Variants in PPM1G observed in about 807,000 individuals in gnomAD.
PPM1G encodes protein phosphatase 1G.
A neutral mutation model predicts 59.4 loss-of-function variants in PPM1G; 12 were observed. The observed-to-expected ratio is 0.20, with a 90% CI of 0.13 to 0.33. PPM1G has a LOEUF of 0.33. PPM1G is among the 10% of genes least tolerant of loss of function. PPM1G has a pLI of 1.00. For synonymous variants in PPM1G, 245 were observed against 251.9 expected (o/e 0.97, Z 0.26); for missense variants, 392 against 681.3 (o/e 0.58, Z 4.73).
intron 1 of PPM1G, among the ~76,000 whole-genome samples, chr2:27,387,751 G>C (rs1023066498): frequency 6.6e-6 from 1 of 151,866 alleles, no homozygotes; most frequent in East Asian, 1.9e-4. Flanking sequence ...TGCCTGCCTC[G>C]GCCTCCCAAA....
intron 1 of PPM1G, among the ~76,000 whole-genome samples, chr2:27,407,310 T>C (rs1201070896): frequency 2.0e-5 from 3 of 152,008 alleles, no homozygotes; most frequent in Non-Finnish European, 2.9e-5. Flanking sequence ...GTCACCCAGA[T>C]TGGAGTGCAG....
At position 27,393,069 on chromosome 2, in the gene PPM1G, C is replaced by T. The variant is rs1683955170; in HGVS notation, c.121-5911G>A. 3.1e-6 allele frequency: 4 copies of T among 1,273,510 alleles called. No individual in the cohort carries two copies. The South Asian group carries it at 3.6e-5, about 11-fold the overall frequency. 78.9% of individuals were successfully genotyped at this position (1,273,510 alleles called of 1,614,324 possible). A position where few individuals can be genotyped will look rare whatever the true frequency, so the allele number is the denominator to read the frequency against. ...CCAAATGTAATCCATCGCATTCAGC[C>T]CGCTCTCCCATCGCATTCTCCCCGC... On this transcript the variant is annotated intron_variant, in intron 1 of 9. Transcript: ENST00000344034.
intron 1 of PPM1G, among the ~76,000 whole-genome samples, chr2:27,396,336 A>G (rs1313490466): frequency 6.6e-6 from 1 of 152,148 alleles, no homozygotes; most frequent in Non-Finnish European, 1.5e-5. Context: ...CACTTACAGT[A>G]TGAAGTATCT....
chr2:27,384,139 C>T lies in PPM1G; in HGVS notation c.826-47G>A. 2 of 1,612,522 alleles carry T rather than the reference C, an allele frequency of 1.2e-6. No individual in the cohort carries two copies. The highest frequency in any genetic ancestry group is 1.7e-6 in the Non-Finnish European group (2 of 1,179,322). ...ACTGCTGAGACTGGGATGATCCCCTCCCTCCCCACAGCTCATACTCAGAAT... is the reference window on the plus strand; with the variant it reads ...ACTGCTGAGACTGGGATGATCCCCTTCCTCCCCACAGCTCATACTCAGAAT... On this transcript the variant is annotated intron_variant, in intron 5 of 9. Coordinates refer to ENST00000344034, the MANE Select transcript of PPM1G (RefSeq NM_177983.3). The surrounding 1 kb of genome is among the most constrained non-coding windows in gnomAD (Gnocchi z 4.8).
Position 27,382,762 on chromosome 2 carries a change from A to T in PPM1G, c.1202-157T>A, listed in dbSNP as rs1226175449. Among the ~76,000 whole-genome samples the T allele has an allele frequency of 6.6e-5, 10 of 151,648 alleles. No homozygotes were observed. The highest frequency in any genetic ancestry group is 8.8e-5 in the Non-Finnish European group (6 of 67,954). On this transcript the variant is annotated intron_variant, in intron 7 of 9. Transcript: ENST00000344034. This position sits in a 1 kb window ranked among gnomAD's most constrained non-coding sequence, Gnocchi z 4.2. Reference sequence around the variant, plus strand: ...CTAAGTCCTAGTTTTTCTAGTTTCAACCCTGCCACCAGACTGCTGAACCTT... The same window carrying T: ...CTAAGTCCTAGTTTTTCTAGTTTCATCCCTGCCACCAGACTGCTGAACCTT...
Position 27,381,332 on chromosome 2 carries a change from G to T in PPM1G, c.*267C>A, listed in dbSNP as rs1683619122. ...AATAAAGTTCACAGAGTAAAAACCA[G>T]AACCGCCAGTCCTTCCCTCCAACAC... On this transcript the variant is annotated 3_prime_UTR_variant, in exon 10 of 10. Coordinates refer to ENST00000344034, the MANE Select transcript of PPM1G (RefSeq NM_177983.3). 1.9e-6 allele frequency: 1 copy of T among 536,680 alleles called. No homozygotes were observed. Among genetic ancestry groups the T allele is most frequent in the African/African-American group, 1.9e-5 (1 of 53,018 alleles). 33.2% of individuals were successfully genotyped at this position (536,680 alleles called of 1,614,324 possible). A position where few individuals can be genotyped will look rare whatever the true frequency, so the allele number is the denominator to read the frequency against.
chr2:27,381,496 A>C lies in PPM1G; in HGVS notation c.*103T>G. 1 of 1,365,240 alleles carries C rather than the reference A, an allele frequency of 7.3e-7. No individual in the cohort carries two copies. Among genetic ancestry groups the C allele is most frequent in the Non-Finnish European group, 1.0e-6 (1 of 966,770 alleles). 84.6% of individuals were successfully genotyped at this position (1,365,240 alleles called of 1,614,324 possible). A position where few individuals can be genotyped will look rare whatever the true frequency, so the allele number is the denominator to read the frequency against. On this transcript the variant is annotated 3_prime_UTR_variant, in exon 10 of 10. Transcript: ENST00000344034. ...AGTGAAGCCACCCAGCTCCCCCTGC[A>C]CACCTCATACCCACTGCTAAGGCTA...
chr2:27,390,176 C>T (rs1335153826), intron 1 of PPM1G, among the ~76,000 whole-genome samples: 2 of 152,072 alleles, frequency 1.3e-5, no homozygotes, highest in South Asian at 2.1e-4. Context: ...CCTGCCACCA[C>T]GCCCAGCCAA....
chr2:27,385,092 C>G lies in PPM1G; in HGVS notation c.410-4G>C. ...AGTGCAGCCTCCTCATTGTCCACTG[C>G]AGGGAAGAGGCTAAATCAGAGCCCC... is the stretch of plus-strand genomic sequence containing the variant. On this transcript the variant is annotated splice_polypyrimidine_tract_variant and splice_region_variant and intron_variant, in intron 4 of 9. Coordinates refer to ENST00000344034, the MANE Select transcript of PPM1G (RefSeq NM_177983.3). This position sits in a 1 kb window ranked among gnomAD's most constrained non-coding sequence, Gnocchi z 4.1. 1 of 1,588,640 alleles carries G rather than the reference C, an allele frequency of 6.3e-7. No homozygotes were observed. Among genetic ancestry groups the G allele is most frequent in the Non-Finnish European group, 8.6e-7 (1 of 1,169,190 alleles).
At position 27,398,855 on chromosome 2, in the gene PPM1G, C is replaced by A. The variant is rs1228214679; in HGVS notation, c.120+10448G>T. On this transcript the variant is annotated intron_variant, in intron 1 of 9. Transcript: ENST00000344034. ...AAGAAAAAAAAAGAAAGAAAGCCAGCAAAAAGAATCAGGGTGTAGTGGCTC... is the reference window on the plus strand; with the variant it reads ...AAGAAAAAAAAAGAAAGAAAGCCAGAAAAAAGAATCAGGGTGTAGTGGCTC... Among the ~76,000 whole-genome samples the A allele has an allele frequency of 3.3e-5, 5 of 151,304 alleles. No homozygotes were observed. In the South Asian group the frequency reaches 1.0e-3, roughly 31 times the overall value.
chr2:27,392,614 G>GC (rs1358105894), intron 1 of PPM1G, among the ~76,000 whole-genome samples: 3 of 150,536 alleles, frequency 2.0e-5, no homozygotes, highest in Admixed American at 6.6e-5. Context: ...TTTTTTTTGG[G>GC]GGGGGGGAGG....
At chr2:27,402,576 G>A (rs1233765947) in intron 1 of PPM1G, among the ~76,000 whole-genome samples, 2 of 152,094 alleles carry the variant, frequency 1.3e-5, no homozygotes, top group East Asian at 3.9e-4. Flanking sequence ...GGAGGCCGAT[G>A]TGGGTGGATC....
At position 27,382,268 on chromosome 2, in the gene PPM1G, T is replaced by TA; in HGVS notation, c.1332-41dup. 1 of 1,597,624 alleles carries TA rather than the reference T, an allele frequency of 6.3e-7. No homozygotes were observed. ...AACAGTCAGAATCTTCCAGTCTCAC[T>TA]AAGGCAGCGTAGAGGAGTATGGACA... is the stretch of plus-strand genomic sequence containing the variant. On this transcript the variant is annotated intron_variant, in intron 8 of 9. Coordinates refer to ENST00000344034, the MANE Select transcript of PPM1G (RefSeq NM_177983.3). The surrounding 1 kb of genome is among the most constrained non-coding windows in gnomAD (Gnocchi z 4.2).
Position 27,382,627 on chromosome 2 carries a change from T to C in PPM1G, c.1202-22A>G. On this transcript the variant is annotated intron_variant, in intron 7 of 9. Coordinates refer to ENST00000344034, the MANE Select transcript of PPM1G (RefSeq NM_177983.3). This position sits in a 1 kb window ranked among gnomAD's most constrained non-coding sequence, Gnocchi z 4.2. ...TCCCCTGGAGTAAAGGAATGGTTGATGAGCAGTTTGGATACTTCCCACAGA... is the reference window on the plus strand; with the variant it reads ...TCCCCTGGAGTAAAGGAATGGTTGACGAGCAGTTTGGATACTTCCCACAGA... 6.2e-7 allele frequency: 1 copy of C among 1,613,936 alleles called. No individual in the cohort carries two copies.
At chr2:27,405,026 G>C (rs1195948709) in intron 1 of PPM1G, among the ~76,000 whole-genome samples, 7 of 17,460 alleles carry the variant, frequency 4.0e-4, no homozygotes, top group Admixed American at 7.2e-4. Flanking sequence ...AAAAACTCAA[G>C]GGCCTTACCT....
chr2:27,382,122 T>G lies in PPM1G; in HGVS notation c.1434+4A>C, dbSNP rs893794534. 2 of 1,612,886 alleles carry G rather than the reference T, an allele frequency of 1.2e-6. No individual in the cohort carries two copies. The highest frequency in any genetic ancestry group is 1.7e-6 in the Non-Finnish European group (2 of 1,178,964). On this transcript the variant is annotated splice_donor_region_variant and intron_variant, in intron 9 of 9. Coordinates refer to ENST00000344034, the MANE Select transcript of PPM1G (RefSeq NM_177983.3). The surrounding 1 kb of genome is among the most constrained non-coding windows in gnomAD (Gnocchi z 4.2). ...CACCCTCTCTTCTCCACCCTGGTAC[T>G]CACCTCTTCCACAATGGATGACAAT...
At position 27,407,209 on chromosome 2, in the gene PPM1G, G is replaced by A. The variant is rs937442881; in HGVS notation, c.120+2094C>T. Among the ~76,000 whole-genome samples, 17 of 151,708 alleles carry A rather than the reference G, an allele frequency of 1.1e-4. No homozygotes were observed. The South Asian group carries it at 2.5e-3, about 22-fold the overall frequency. On this transcript the variant is annotated intron_variant, in intron 1 of 9. Transcript: ENST00000344034. Reference sequence around the variant, plus strand: ...TCGAACTCCTAAGCTCAGGCAATCCGCCCGCCGCAGCCTCCCAAAGTGTTA... The same window carrying A: ...TCGAACTCCTAAGCTCAGGCAATCCACCCGCCGCAGCCTCCCAAAGTGTTA...
At position 27,383,235 on chromosome 2, in the gene PPM1G, A is replaced by G. The variant is rs971140210; in HGVS notation, c.1201+131T>C. 3.5e-5 allele frequency: 25 copies of G among 721,878 alleles called. No homozygotes were observed. Among genetic ancestry groups the G allele is most frequent in the Non-Finnish European group, 5.2e-5 (22 of 426,352 alleles). 44.7% of individuals were successfully genotyped at this position (721,878 alleles called of 1,614,324 possible). A position where few individuals can be genotyped will look rare whatever the true frequency, so the allele number is the denominator to read the frequency against. On this transcript the variant is annotated intron_variant, in intron 7 of 9. Coordinates refer to ENST00000344034, the MANE Select transcript of PPM1G (RefSeq NM_177983.3). The surrounding 1 kb of genome is among the most constrained non-coding windows in gnomAD (Gnocchi z 5.0). The stretch of plus-strand genomic sequence containing the variant: ...CCCATCTTAGTTATTTCACAGAAAT[A>G]TAAGAACAGAGGTAGTAGATATTAA...
At chr2:27,393,406 G>T in intron 1 of PPM1G, 1 of 1,301,298 alleles carries the variant, frequency 7.7e-7, no homozygotes, top group Non-Finnish European at 1.1e-6. Context: ...CGGCAGTGGT[G>T]GCTACGCGGC....
Sources: gnomAD v4.1 joint callset for allele counts (sites outside exome capture counted in the v4.1 genomes callset) on GRCh38, gnomAD v4.1.1 for gene constraint, Gnocchi (gnomAD v3.1) non-coding constraint, MANE v1.5 for transcripts, NCBI Gene and HGNC (gene_info 2026-07-23, HGNC 2026-07-21) for gene names.